Variants in RIN3 observed in about 807,000 individuals in gnomAD.
RIN3 encodes the protein RAB5 interacting protein 3.
In RIN3, 54 loss-of-function variants were observed where a neutral mutation model predicts 76.3. That is an observed-to-expected ratio of 0.71 (90% CI 0.57 to 0.89). The LOEUF (loss-of-function observed/expected upper bound fraction) is 0.89. Among genes scored for constraint, RIN3 ranks in the 40% least tolerant of loss-of-function variants. The pLI is 0.00. For missense variants in RIN3, 1,256 were observed against 1,322.1 expected, an observed-to-expected ratio of 0.95 and a Z score of 0.78; for synonymous variants, 576 against 564.0, an observed-to-expected ratio of 1.02 and a Z score of -0.30.
At chr14:92,665,370 C>CTTTTT (rs55818571) in intron 7 of RIN3, among the ~76,000 whole-genome samples, 3 of 83,580 alleles carry the variant, frequency 3.6e-5, no homozygotes, top group Admixed American at 1.4e-4. Flanking sequence ...GCCTTTGTCT[C>CTTTTT]TTTTTTTTTT....
chr14:92,515,379 C>G (rs546510314), intron 1 of RIN3: 113 of 587,360 alleles, frequency 1.9e-4, no homozygotes, highest in Non-Finnish European at 3.1e-4. Flanking sequence ...CTGGCCTCAC[C>G]GGCTTCTCAT....
intron 3 of RIN3, among the ~76,000 whole-genome samples, chr14:92,602,303 C>T (rs1454932153): frequency 6.6e-6 from 1 of 152,226 alleles, no homozygotes; most frequent in Non-Finnish European, 1.5e-5. Context: ...ACCAAGGGAT[C>T]ACCTGGGGAC....
chr14:92,628,265 A>G (rs1886429267), intron 4 of RIN3, among the ~76,000 whole-genome samples: 1 of 152,218 alleles, frequency 6.6e-6, no homozygotes, highest in Admixed American at 6.5e-5. Context: ...GATCCATGCA[A>G]TGCCATCCCA....
intron 3 of RIN3, among the ~76,000 whole-genome samples, chr14:92,582,458 TTTTC>T (rs1314934374): frequency 2.9e-5 from 4 of 135,962 alleles, no homozygotes; most frequent in Admixed American, 7.2e-5. Flanking sequence ...TTTTTTTTTT[TTTTC>T]CCTGAGATGG....
chr14:92,659,395 C>T lies in RIN3; in HGVS notation c.2261C>T (p.Ser754Leu). 7 of 1,613,718 alleles carry T rather than the reference C, an allele frequency of 4.3e-6. No homozygotes were observed. Among genetic ancestry groups the T allele is most frequent in the Non-Finnish European group, 5.9e-6 (7 of 1,179,780 alleles). The change falls in exon 7 of 10, where the codon TCA becomes TTA. Residue 754 changes from serine to leucine, a missense_variant. Physicochemically the swap from Ser to Leu is moderately radical, Grantham distance 145. Coordinates refer to ENST00000216487, the MANE Select transcript of RIN3 (RefSeq NM_024832.5). ...TTCACCAGCATGCACAAGGCCTACT[C>T]ACCTGAGAAGAAGATCTCCATCCTG... ...QKFTSMHKAY[S>L]PEKKISILLK... is the part of the protein sequence containing the mutation.
In RIN3 at chr14:92,513,841, A is replaced by T. The variant is rs534630866; in HGVS notation, c.-92A>T. On this transcript the variant is annotated 5_prime_UTR_variant, in exon 1 of 10. Coordinates refer to ENST00000216487, the MANE Select transcript of RIN3 (RefSeq NM_024832.5). Reference sequence around the variant, plus strand: ...GGCGGCCTGGCCCTTCCAGAGGGCCAGAGCCAGGGACATGCGGGCGCCCGG... The same window carrying T: ...GGCGGCCTGGCCCTTCCAGAGGGCCTGAGCCAGGGACATGCGGGCGCCCGG... The T allele has an allele frequency of 2.0e-5, 18 of 878,390 alleles. No homozygotes were observed. In the South Asian group the frequency reaches 7.5e-4, roughly 37 times the overall value. The allele number at this position is 878,390 out of a possible 1,614,324, so 54.4% of individuals were successfully genotyped here.
chr14:92,515,888 C>T (rs1270239987), intron 1 of RIN3, among the ~76,000 whole-genome samples: 1 of 152,152 alleles, frequency 6.6e-6, no homozygotes, highest in Non-Finnish European at 1.5e-5. Flanking sequence ...GTTGGAAGGA[C>T]TTTGAAGGGT....
rs1371072703 is a variant in RIN3 at position 92,648,277 on chromosome 14, G to A, written c.533-3305G>A. On this transcript the variant is annotated intron_variant, in intron 5 of 9. Coordinates refer to ENST00000216487, the MANE Select transcript of RIN3 (RefSeq NM_024832.5). The surrounding 1 kb of genome is among the most constrained non-coding windows in gnomAD (Gnocchi z 4.1). ...AACCCCAGGCCTGTCTTGGGGCAGG[G>A]AAGCTGTGTCCCAGGTACCCAGGCC... Among the ~76,000 whole-genome samples the A allele has an allele frequency of 6.6e-6, 1 of 152,144 alleles. No homozygotes were observed. Among genetic ancestry groups the A allele is most frequent in the Non-Finnish European group, 1.5e-5 (1 of 68,026 alleles).
intron 3 of RIN3, among the ~76,000 whole-genome samples, chr14:92,604,195 T>TTCCCCA (rs1215356796): frequency 6.6e-6 from 1 of 152,176 alleles, no homozygotes; most frequent in Admixed American, 6.5e-5. Context: ...AGGGCCTCAC[T>TTCCCCA]TCCCCATCCC....
intron 3 of RIN3, among the ~76,000 whole-genome samples, chr14:92,584,870 C>T (rs1884710532): frequency 6.6e-6 from 1 of 152,202 alleles, no homozygotes; most frequent in African/African-American, 2.4e-5. Context: ...GGCCCCATCT[C>T]CAGAATAGGA....
intron 4 of RIN3, among the ~76,000 whole-genome samples, chr14:92,616,957 C>A (rs1399092414): frequency 6.6e-6 from 1 of 152,074 alleles, no homozygotes; most frequent in Non-Finnish European, 1.5e-5. Flanking sequence ...TTTGTTGGGG[C>A]CTAGTGCATG....
intron 8 of RIN3, among the ~76,000 whole-genome samples, chr14:92,678,495 A>C (rs1235820844): frequency 4.2e-4 from 16 of 38,220 alleles, no homozygotes; most frequent in South Asian, 1.1e-3. Context: ...CCACATATTC[A>C]CCACCCACCC....
intron 4 of RIN3, among the ~76,000 whole-genome samples, chr14:92,632,905 T>C (rs1566877475): frequency 6.6e-6 from 1 of 152,206 alleles, no homozygotes; most frequent in Non-Finnish European, 1.5e-5. Context: ...GTAAAAATGC[T>C]TGGAAAGCCT....
intron 4 of RIN3, among the ~76,000 whole-genome samples, chr14:92,639,780 C>G (rs1304915916): frequency 6.6e-6 from 1 of 152,242 alleles, no homozygotes; most frequent in Non-Finnish European, 1.5e-5. Context: ...CTGTTGTGAC[C>G]AAAGTCATCA....
intron 1 of RIN3, among the ~76,000 whole-genome samples, chr14:92,526,099 G>A (rs976282527): frequency 7.2e-5 from 11 of 152,112 alleles, no homozygotes; most frequent in Non-Finnish European, 1.5e-5. Flanking sequence ...GATAGCAGAG[G>A]CTCTTGGGCT....
intron 8 of RIN3, among the ~76,000 whole-genome samples, chr14:92,680,560 G>A (rs1034838848): frequency 6.6e-6 from 1 of 152,084 alleles, no homozygotes; most frequent in Non-Finnish European, 1.5e-5. Flanking sequence ...ATGACCTAAT[G>A]ACCTCCCAAA....
chr14:92,562,734 T>C (rs1301213867), intron 2 of RIN3, among the ~76,000 whole-genome samples: 13 of 152,138 alleles, frequency 8.5e-5, no homozygotes, highest in Non-Finnish European at 1.8e-4. Flanking sequence ...AGATACTCCA[T>C]GCTCATCTTA....
At position 92,641,226 on chromosome 14, in the gene RIN3, G is replaced by T; in HGVS notation, c.441-12G>T. The T allele has an allele frequency of 6.2e-7, 1 of 1,601,934 alleles. No homozygotes were observed. Among genetic ancestry groups the T allele is most frequent in the Non-Finnish European group, 8.6e-7 (1 of 1,168,832 alleles). On this transcript the variant is annotated splice_polypyrimidine_tract_variant and intron_variant, in intron 4 of 9. Coordinates refer to ENST00000216487, the MANE Select transcript of RIN3 (RefSeq NM_024832.5). ...GACCCAGACATGACTTCTGCCCCTC[G>T]TGTCTTCACAGAGACTTACTGCCCT...
intron 3 of RIN3, among the ~76,000 whole-genome samples, chr14:92,608,580 G>A (rs138313422): frequency 1.8e-3 from 273 of 151,946 alleles, no homozygotes; most frequent in Non-Finnish European, 2.9e-3. Flanking sequence ...TGTTGCCCAG[G>A]CTGGAGTGCA....
Sources: gnomAD v4.1 joint callset for allele counts (sites outside exome capture counted in the v4.1 genomes callset) on GRCh38, gnomAD v4.1.1 for gene constraint, Gnocchi (gnomAD v3.1) non-coding constraint, MANE v1.5 for transcripts, NCBI Gene and HGNC (gene_info 2026-07-23, HGNC 2026-07-21) for gene names.